The following RALY variants were observed in gnomAD, a reference collection of about 807,000 sequenced individuals.
The protein encoded by RALY is RALY heterogeneous nuclear ribonucleoprotein.
In RALY, 15 loss-of-function variants were observed where a neutral mutation model predicts 30.7. The observed-to-expected ratio is 0.49, with a 90% CI of 0.33 to 0.75. RALY has a LOEUF of 0.75. Among genes scored for constraint, RALY ranks in the 30% least tolerant of loss-of-function variants. The probability of loss-of-function intolerance (pLI) is 0.02; values close to 1 mark genes in which losing one functional copy is unlikely to be tolerated. For synonymous variants in RALY, 177 were observed against 170.8 expected (o/e 1.04, Z -0.28); for missense variants, 339 against 414.3 (o/e 0.82, Z 1.58).
intron 2 of RALY, among the ~76,000 whole-genome samples, chr20:34,053,383 A>ATTTTT (rs60912814): frequency 0.013 from 682 of 54,160 alleles, 109 homozygotes; most frequent in East Asian, 0.034. Flanking sequence ...ATGTTCAATA[A>ATTTTT]TTTTTTTTTT....
Position 34,083,694 on chromosome 20 carries a change from T to TG in RALY, c.*3792dup, listed in dbSNP as rs1437562156. 2 of 152,334 alleles carry TG rather than the reference T, an allele frequency of 1.3e-5. No homozygotes were observed. The highest frequency in any genetic ancestry group is 3.9e-4 in the East Asian group (2 of 5,182). The allele number at this position is 152,334 out of a possible 1,614,324, so 9.4% of individuals were successfully genotyped here. A position where few individuals can be genotyped will look rare whatever the true frequency, so the allele number is the denominator to read the frequency against. ...CTCTTATGAGCATGGAATTCAAGTG[T>TG]GGGCACGTGAGCGTCAGGTATTTGC... is the stretch of plus-strand genomic sequence containing the variant. On this transcript the variant is annotated 3_prime_UTR_variant, in exon 10 of 10. Transcript: ENST00000246194.
chr20:34,029,817 C>G (rs971075284), intron 1 of RALY: 2 of 152,424 alleles, frequency 1.3e-5, no homozygotes, highest in Admixed American at 1.3e-4. Flanking sequence ...TGTTCCAGAC[C>G]TGGAGGCCCC....
intron 1 of RALY, among the ~76,000 whole-genome samples, chr20:34,010,003 A>C (rs2031331427): frequency 6.6e-6 from 1 of 152,226 alleles, no homozygotes; most frequent in African/African-American, 2.4e-5. Context: ...TCTTCATTTT[A>C]CTGGGAACTT....
Position 34,072,068 on chromosome 20 carries a change from G to A in RALY, c.-7G>A, listed in dbSNP as rs780985667. 1 of 1,613,494 alleles carries A rather than the reference G, an allele frequency of 6.2e-7. No individual in the cohort carries two copies. ...TCACCGAGGCTCTTTTTCTTCAGGT[G>A]GGCACCATGTCCTTGAAGCTTCAGG... On this transcript the variant is annotated splice_region_variant and 5_prime_UTR_variant, in exon 3 of 10. Coordinates refer to ENST00000246194, the MANE Select transcript of RALY (RefSeq NM_016732.3).
Position 34,077,055 on chromosome 20 carries a change from G to GTGC in RALY, c.686_687insTGC (p.Ala230dup), listed in dbSNP as rs775492171. ...GGCAAGAAGAAGGGTGATGGAGGTG[G>GTGC]CGCCGGCGGCGGCGGCGGTGGTGGT... On this transcript the variant is annotated inframe_insertion, in exon 8 of 10. Coordinates refer to ENST00000246194, the MANE Select transcript of RALY (RefSeq NM_016732.3). The GTGC allele has an allele frequency of 1.6e-4, 225 of 1,387,498 alleles. No individual in the cohort carries two copies. In the African/African-American group the frequency reaches 5.1e-3, roughly 31 times the overall value. 85.9% of individuals were successfully genotyped at this position (1,387,498 alleles called of 1,614,324 possible).
chr20:34,023,584 G>A (rs2031910797), intron 1 of RALY, among the ~76,000 whole-genome samples: 1 of 152,074 alleles, frequency 6.6e-6, no homozygotes, highest in Non-Finnish European at 1.5e-5. Flanking sequence ...CGAGGGGGTG[G>A]GGGTCTGAAG....
intron 1 of RALY, among the ~76,000 whole-genome samples, chr20:34,005,203 C>T (rs544623239): frequency 2.0e-5 from 3 of 151,984 alleles, no homozygotes; most frequent in Admixed American, 6.6e-5. Context: ...GGAGACTAGT[C>T]GAGTAGTTGA....
intron 2 of RALY, among the ~76,000 whole-genome samples, chr20:34,051,702 TCTC>T (rs1304827101): frequency 2.0e-5 from 3 of 152,120 alleles, no homozygotes; most frequent in African/African-American, 7.2e-5. Flanking sequence ...TTCATGCCAT[TCTC>T]CTGCCTCAGC....
At chr20:33,997,315 A>G (rs2030684903) in intron 1 of RALY, among the ~76,000 whole-genome samples, 1 of 152,166 alleles carries the variant, frequency 6.6e-6, no homozygotes, top group Non-Finnish European at 1.5e-5. Context: ...GGGTTTCACC[A>G]CGTTGGCCAG....
At chr20:34,057,006 A>G (rs1345501495) in intron 2 of RALY, among the ~76,000 whole-genome samples, 1 of 152,238 alleles carries the variant, frequency 6.6e-6, no homozygotes, top group Admixed American at 6.5e-5. Flanking sequence ...AATTGGAAAA[A>G]GCCTAAAAGA....
At chr20:34,040,237 G>GAT (rs1361865405) in intron 2 of RALY, among the ~76,000 whole-genome samples, 1 of 152,192 alleles carries the variant, frequency 6.6e-6, no homozygotes, top group African/African-American at 2.4e-5. Flanking sequence ...CCCGAATCCA[G>GAT]ATCTCTTGTG....
chr20:34,077,590 C>T (rs1022807237), intron 8 of RALY: 4 of 394,488 alleles, frequency 1.0e-5, no homozygotes, highest in Non-Finnish European at 1.9e-5. Flanking sequence ...CTTGTGGAGG[C>T]CACAGCCAGG....
At chr20:34,029,904 AC>A (rs1169020652) in intron 1 of RALY, 3 of 152,246 alleles carry the variant, frequency 2.0e-5, no homozygotes, top group Non-Finnish European at 4.4e-5. Flanking sequence ...TTAGGCCAGT[AC>A]CTAGTCTGTT....
chr20:34,072,214 G>A lies in RALY; in HGVS notation c.140G>A (p.Arg47His), dbSNP rs764169831. 4.3e-6 allele frequency: 7 copies of A among 1,614,242 alleles called. No individual in the cohort carries two copies. The highest frequency in any genetic ancestry group is 1.6e-4 in the Middle Eastern group (1 of 6,062). The change falls in exon 3 of 10, where the codon CGT becomes CAT. Residue 47 changes from arginine (R) to histidine (H), a missense_variant. Transcript: ENST00000246194. ...GAGACCATCTTCTCTAAGTATGGCC[G>A]TGTGGCCGGCTGTTCTGTGCACAAG... ...DVETIFSKYG[R>H]VAGCSVHKGY... is the part of the protein sequence containing the mutation.
intron 2 of RALY, among the ~76,000 whole-genome samples, chr20:34,052,777 G>T (rs762902791): frequency 6.6e-6 from 1 of 152,132 alleles, no homozygotes; most frequent in Admixed American, 6.5e-5. Context: ...TCATCCAGTA[G>T]GCCCACAGTC....
chr20:34,066,696 CT>C (rs11167226), intron 2 of RALY, among the ~76,000 whole-genome samples: 3 of 146,720 alleles, frequency 2.0e-5, no homozygotes, highest in Non-Finnish European at 3.0e-5. Context: ...GCCTGGGGCT[CT>C]TTTTTTTTTT....
At chr20:34,048,215 C>T (rs1279524263) in intron 2 of RALY, among the ~76,000 whole-genome samples, 2 of 152,168 alleles carry the variant, frequency 1.3e-5, no homozygotes, top group East Asian at 3.9e-4. Context: ...CTGCTGCTCA[C>T]CTACGATTTA....
rs576123950 is a variant in RALY, at chr20:34,068,637, G to T, written c.-9-3429G>T. Among the ~76,000 whole-genome samples, 8 of 152,286 alleles carry T rather than the reference G, an allele frequency of 5.3e-5. No individual in the cohort carries two copies. The South Asian group carries it at 1.5e-3, about 28-fold the overall frequency. On this transcript the variant is annotated intron_variant, in intron 2 of 9. Transcript: ENST00000246194. Reference sequence around the variant, plus strand: ...GTACCATATGTTTAAACATTTGAAGGTTCTGAATGAAGCTAATAAATTGTG... The same window carrying T: ...GTACCATATGTTTAAACATTTGAAGTTTCTGAATGAAGCTAATAAATTGTG...
At chr20:34,026,257 A>G (rs1447021052) in intron 1 of RALY, among the ~76,000 whole-genome samples, 4 of 151,480 alleles carry the variant, frequency 2.6e-5, no homozygotes, top group African/African-American at 9.7e-5. Context: ...TGGACAAGCA[A>G]ACTCCCTTCA....
Sources: gnomAD v4.1 joint callset for allele counts (sites outside exome capture counted in the v4.1 genomes callset) on GRCh38, gnomAD v4.1.1 for gene constraint, MANE v1.5 for transcripts, NCBI Gene and HGNC (gene_info 2026-07-23, HGNC 2026-07-21) for gene names.